Variants in NCKAP5 observed in about 807,000 individuals in gnomAD.
NCKAP5 encodes the protein NCK associated protein 5.
NCKAP5 carries 92 observed loss-of-function variants against 167.0 expected under a neutral mutation model. The observed-to-expected ratio is 0.55, with a 90% CI of 0.47 to 0.66. NCKAP5 has a LOEUF of 0.66. Ranked by LOEUF, NCKAP5 falls within the 30% of genes least tolerant of loss-of-function variation. The pLI is 0.00. For missense variants in NCKAP5, 2,378 were observed against 2,315.0 expected (o/e 1.03, Z -0.56); for synonymous variants, 891 against 877.4 (o/e 1.02, Z -0.27).
At chr2:133,629,674 G>A in the NCKAP5 span, among the ~76,000 whole-genome samples, 3 of 152,054 alleles carry the variant, frequency 2.0e-5, no homozygotes, top group Non-Finnish European at 4.4e-5. Context: ...AAAGATTCAT[G>A]AACACATATG....
At chr2:133,590,174 G>C in the NCKAP5 span, among the ~76,000 whole-genome samples, 1 of 152,064 alleles carries the variant, frequency 6.6e-6, no homozygotes, top group South Asian at 2.1e-4. Flanking sequence ...CCTATCCTCA[G>C]CATCCTCCTT....
At chr2:133,544,762 A>C (rs948001890) in intron 2 of NCKAP5, among the ~76,000 whole-genome samples, 4 of 152,212 alleles carry the variant, frequency 2.6e-5, no homozygotes, top group African/African-American at 9.7e-5. Context: ...AATTTCTATT[A>C]ATCTAAATCA....
intron 16 of NCKAP5, among the ~76,000 whole-genome samples, chr2:132,740,214 A>T (rs1679059644): frequency 6.6e-6 from 1 of 152,176 alleles, no homozygotes; most frequent in African/African-American, 2.4e-5. Context: ...TGAGGCCCCA[A>T]CATAATTCAG....
intron 3 of NCKAP5, among the ~76,000 whole-genome samples, chr2:133,319,776 C>T (rs1681898581): frequency 6.6e-6 from 1 of 152,084 alleles, no homozygotes; most frequent in Non-Finnish European, 1.5e-5. Context: ...AAGAGTCAAA[C>T]GGAACATCAG....
At chr2:132,866,101 C>T (rs540221554) in intron 10 of NCKAP5, among the ~76,000 whole-genome samples, 41 of 152,270 alleles carry the variant, frequency 2.7e-4, no homozygotes, top group East Asian at 9.7e-4. Flanking sequence ...TATTCCATGT[C>T]GGTGAAGAAA....
At chr2:133,455,475 A>C (rs1559497014) in intron 3 of NCKAP5, among the ~76,000 whole-genome samples, 1 of 152,084 alleles carries the variant, frequency 6.6e-6, no homozygotes, top group Non-Finnish European at 1.5e-5. Flanking sequence ...TATATCATCC[A>C]TTGTTCAGCA....
At position 132,782,150 on chromosome 2, in the gene NCKAP5, T is replaced by C; in HGVS notation, c.4661A>G (p.Glu1554Gly). Residue 1554 changes from glutamate (E) to glycine (G), a missense_variant, in exon 14 of 20, where the codon GAG becomes GGG. Transcript: ENST00000409261. Reference sequence around the variant, plus strand: ...ACACTGTAGTTCAGGCTTCTTTTTCTCTTTTTTTCTTTCTGATTTTAGTTG... The same window carrying C: ...ACACTGTAGTTCAGGCTTCTTTTTCCCTTTTTTTCTTTCTGATTTTAGTTG... ...NRQLKSERKK[E>G]KKKPELQCET... 1 of 1,609,326 alleles carries C rather than the reference T, an allele frequency of 6.2e-7. No homozygotes were observed. The highest frequency in any genetic ancestry group is 2.2e-5 in the East Asian group (1 of 44,872).
At chr2:133,561,641 T>A (rs1056216300) in intron 1 of NCKAP5, among the ~76,000 whole-genome samples, 4 of 152,178 alleles carry the variant, frequency 2.6e-5, no homozygotes, top group Admixed American at 2.6e-4. Context: ...AGTAACTGGC[T>A]GTAATGAGAA....
At chr2:133,668,678 C>T in the NCKAP5 span, among the ~76,000 whole-genome samples, 1 of 150,340 alleles carries the variant, frequency 6.7e-6, no homozygotes, top group East Asian at 1.9e-4. Flanking sequence ...TCTAAATATT[C>T]TAGTTAAATA....
At chr2:133,415,967 T>C (rs927729814) in intron 3 of NCKAP5, among the ~76,000 whole-genome samples, 2 of 152,230 alleles carry the variant, frequency 1.3e-5, no homozygotes, top group African/African-American at 4.8e-5. Flanking sequence ...ACAACTTGTT[T>C]GGATTTTGGT....
At chr2:133,119,160 T>C (rs771628911) in intron 6 of NCKAP5, 1 of 152,184 alleles carries the variant, frequency 6.6e-6, no homozygotes, top group African/African-American at 2.4e-5. Context: ...ACTGCCACTA[T>C]GCCAGCTAAT....
chr2:133,560,618 C>G (rs1393751807), intron 1 of NCKAP5, among the ~76,000 whole-genome samples: 1 of 152,070 alleles, frequency 6.6e-6, no homozygotes, highest in Non-Finnish European at 1.5e-5. Flanking sequence ...AACAAGCCAG[C>G]AGGTAGGAAG....
intron 5 of NCKAP5, among the ~76,000 whole-genome samples, chr2:133,194,415 C>G (rs1217150264): frequency 6.6e-6 from 1 of 152,062 alleles, no homozygotes; most frequent in East Asian, 1.9e-4. Flanking sequence ...TACTTAGCAT[C>G]AGGAACCAAC....
intron 19 of NCKAP5, among the ~76,000 whole-genome samples, chr2:132,683,567 A>C (rs1276925147): frequency 6.6e-6 from 1 of 152,212 alleles, no homozygotes; most frequent in African/African-American, 2.4e-5. Context: ...TGCAATAGCC[A>C]ATACAATAAG....
At chr2:132,802,392 A>T (rs554287395) in intron 11 of NCKAP5, among the ~76,000 whole-genome samples, 1 of 152,194 alleles carries the variant, frequency 6.6e-6, no homozygotes, top group African/African-American at 2.4e-5. Flanking sequence ...CACTTTGGAG[A>T]GCTGTTCTCA....
chr2:133,673,085 C>T, the NCKAP5 span, among the ~76,000 whole-genome samples: 1 of 152,178 alleles, frequency 6.6e-6, no homozygotes, highest in Non-Finnish European at 1.5e-5. Context: ...ACACCATATA[C>T]TCTGTGTTAA....
At chr2:133,541,611 C>T (rs1686231558) in intron 2 of NCKAP5, among the ~76,000 whole-genome samples, 1 of 151,948 alleles carries the variant, frequency 6.6e-6, no homozygotes, top group South Asian at 2.1e-4. Context: ...AGCATCTTTG[C>T]TCCTTTAGGA....
intron 19 of NCKAP5, among the ~76,000 whole-genome samples, chr2:132,724,157 T>C (rs1427917447): frequency 6.6e-6 from 1 of 152,136 alleles, no homozygotes; most frequent in Non-Finnish European, 1.5e-5. Flanking sequence ...AAAAGTCGCT[T>C]TCTTGGTGAG....
At chr2:132,877,105 T>A (rs1691339266) in intron 9 of NCKAP5, among the ~76,000 whole-genome samples, 1 of 152,128 alleles carries the variant, frequency 6.6e-6, no homozygotes, top group Non-Finnish European at 1.5e-5. Flanking sequence ...CTTGGATCTG[T>A]TTGGTCTTTC....
Sources: allele counts gnomAD v4.1 joint callset (sites outside exome capture counted in the v4.1 genomes callset), GRCh38; gene constraint gnomAD v4.1.1; transcripts MANE v1.5; gene names NCBI Gene and HGNC (gene_info 2026-07-23, HGNC 2026-07-21).